The following ASMTL variants were observed in gnomAD, a reference collection of about 807,000 sequenced individuals.
ASMTL encodes probable bifunctional dTTP/UTP pyrophosphatase/methyltransferase protein.
Under a neutral mutation model 60.3 loss-of-function variants are expected in ASMTL, and 57 were observed. That is an observed-to-expected ratio of 0.95 (90% confidence interval 0.76 to 1.18). The LOEUF (loss-of-function observed/expected upper bound fraction) is 1.18, where lower values mean the gene tolerates loss of function less well. Among genes scored for constraint, ASMTL ranks in the 50% most tolerant of loss-of-function variants. ASMTL has a pLI of 0.00. For missense variants in ASMTL, 981 were observed against 852.6 expected (o/e 1.15, Z -1.88); for synonymous variants, 419 against 373.0 (o/e 1.12, Z -1.42).
intron 12 of ASMTL, among the ~76,000 whole-genome samples, chrX:1,411,382 G>A (rs2090014049): frequency 6.6e-6 from 1 of 152,144 alleles, no homozygotes; most frequent in African/African-American, 2.4e-5. Context: ...CAACAACGCT[G>A]AACTCTTGAG....
chrX:1,434,913 A>T, intron 5 of ASMTL, 109 bp downstream of exon 5: 1 of 1,188,916 alleles, frequency 8.4e-7, no homozygotes, highest in Non-Finnish European at 1.2e-6. Context: ...AAACCCCTCC[A>T]CAGGTGGGGG....
rs1302013471 is a variant in ASMTL at position 1,438,570 on chromosome X, G to A, written c.273+527C>T. ...CTCTTGTCACCCAGGCTGGAGTGCA[G>A]TGGCGCGATCTCGGCTCACTGCAAC... is the stretch of plus-strand genomic sequence containing the variant. On this transcript the variant is annotated intron_variant, in intron 3 of 12. Coordinates refer to ENST00000381317, the MANE Select transcript of ASMTL (RefSeq NM_004192.4). Among the ~76,000 whole-genome samples, 5 of 152,192 alleles carry A rather than the reference G, an allele frequency of 3.3e-5. No individual in the cohort carries two copies. The East Asian group carries it at 7.7e-4, about 23-fold the overall frequency.
In ASMTL at chrX:1,426,619, G is replaced by A. The variant is rs189822381; in HGVS notation, c.898-932C>T. On this transcript the variant is annotated intron_variant, in intron 7 of 12. Coordinates refer to ENST00000381317, the MANE Select transcript of ASMTL (RefSeq NM_004192.4). ...TGTAATCCCAGCACTTTAGGAGGCC[G>A]AGGCGGGTGGATCAGCTGAGGTCAG... Among the ~76,000 whole-genome samples, 10 of 152,270 alleles carry A rather than the reference G, an allele frequency of 6.6e-5. No individual in the cohort carries two copies. The East Asian group carries it at 1.7e-3, about 27-fold the overall frequency.
chrX:1,435,369 G>T lies in ASMTL; in HGVS notation c.339-286C>A, dbSNP rs1427990345. The T allele has an allele frequency of 9.9e-6, 6 of 606,052 alleles. No individual in the cohort carries two copies. The African/African-American group carries it at 1.1e-4, about 11-fold the overall frequency. 37.5% of individuals were successfully genotyped at this position (606,052 alleles called of 1,614,324 possible). A position where few individuals can be genotyped will look rare whatever the true frequency, so the allele number is the denominator to read the frequency against. On this transcript the variant is annotated intron_variant, in intron 4 of 12. Coordinates refer to ENST00000381317, the MANE Select transcript of ASMTL (RefSeq NM_004192.4). ...AGGGGGTGCATCTCTTCCACGTCCT[G>T]GGATGGGGATGACGTCCCAGGCTAC...
At chrX:1,412,277 G>T (rs1284989194) in intron 12 of ASMTL, among the ~76,000 whole-genome samples, 1 of 152,114 alleles carries the variant, frequency 6.6e-6, no homozygotes, top group Non-Finnish European at 1.5e-5. Context: ...GCCCAGGCTG[G>T]AGTGCAGTGG....
At chrX:1,408,274 C>G in intron 12 of ASMTL, among the ~76,000 whole-genome samples, 1 of 42,022 alleles carries the variant, frequency 2.4e-5, no homozygotes, top group South Asian at 7.0e-4. Context: ...ACACTGCCCT[C>G]CAGCCAAATG....
chrX:1,411,664 G>A (rs747179416), intron 12 of ASMTL, among the ~76,000 whole-genome samples: 3 of 81,136 alleles, frequency 3.7e-5, no homozygotes, highest in Admixed American at 1.1e-4. Flanking sequence ...CTCTGCCTCG[G>A]CCACCCCTGA....
At chrX:1,449,458 C>A (rs1171784524) in intron 1 of ASMTL, among the ~76,000 whole-genome samples, 1 of 151,862 alleles carries the variant, frequency 6.6e-6, no homozygotes, top group South Asian at 2.1e-4. Flanking sequence ...TGTGAGGCAC[C>A]CTGACCACTC....
intron 11 of ASMTL, among the ~76,000 whole-genome samples, chrX:1,417,008 CAG>C (rs1405034746): frequency 3.0e-5 from 4 of 131,500 alleles, no homozygotes. Flanking sequence ...TGTGCACACA[CAG>C]ACTCAGAAAC....
intron 8 of ASMTL, 46 bp from the exon 9 acceptor site, chrX:1,421,888 A>G: frequency 6.3e-7 from 1 of 1,580,374 alleles, no homozygotes; most frequent in African/African-American, 1.3e-5. Context: ...GAGAAAACCC[A>G]AGGAAACCTG....
rs758606298 is a variant in ASMTL at position 1,419,029 on chromosome X, G to A, written c.1331C>T (p.Ala444Val). 6.2e-7 allele frequency: 1 copy of A among 1,611,734 alleles called. No homozygotes were observed. Among genetic ancestry groups the A allele is most frequent in the East Asian group, 2.2e-5 (1 of 44,876 alleles). The change falls in exon 10 of 13, where the codon GCC (alanine) becomes GTC (valine). Residue 444 changes from alanine to valine, a missense_variant. By Grantham distance (64) the Ala-to-Val change is moderately conservative. Coordinates refer to ENST00000381317, the MANE Select transcript of ASMTL (RefSeq NM_004192.4). ...GMTKLTACQVATAFNLSRFSS... is the reference protein window; with the variant it reads ...GMTKLTACQVVTAFNLSRFSS... Reference sequence around the variant, plus strand: ...GAAGCGGGACAGATTGAAGGCCGTGGCCACCTGGCACGCAGTCAGCTTCGT... The same window carrying A: ...GAAGCGGGACAGATTGAAGGCCGTGACCACCTGGCACGCAGTCAGCTTCGT...
At chrX:1,424,157 C>T (rs1156957678) in intron 8 of ASMTL, among the ~76,000 whole-genome samples, 1 of 148,098 alleles carries the variant, frequency 6.8e-6, no homozygotes, top group Non-Finnish European at 1.5e-5. Context: ...CCCATCCAAT[C>T]ACTCATCCAT....
intron 4 of ASMTL, chrX:1,435,489 C>A: frequency 1.6e-6 from 1 of 638,578 alleles, no homozygotes; most frequent in Non-Finnish European, 2.9e-6. Context: ...ATTCTGGGAT[C>A]AGTGCTGCAG....
chrX:1,445,846 G>C (rs1245305290), intron 1 of ASMTL, among the ~76,000 whole-genome samples: 8 of 152,132 alleles, frequency 5.3e-5, no homozygotes, highest in Non-Finnish European at 1.5e-5. Context: ...GAGCTGAGGG[G>C]ACATGGTGAG....
intron 7 of ASMTL, 69 bp downstream of exon 7, chrX:1,427,665 T>A (rs1204551967): frequency 6.7e-7 from 1 of 1,489,274 alleles, no homozygotes; most frequent in Non-Finnish European, 9.1e-7. Flanking sequence ...AGAAGTAAAT[T>A]CCCTTTGATT....
At chrX:1,416,565 GCACACAGACGCAGA>G (rs2090278617) in intron 11 of ASMTL, among the ~76,000 whole-genome samples, 1 of 89,670 alleles carries the variant, frequency 1.1e-5, no homozygotes, top group Non-Finnish European at 2.7e-5. Context: ...ACCCCAACAG[GCACACAGACGCAGA>G]CACACAGACA....
intron 6 of ASMTL, among the ~76,000 whole-genome samples, chrX:1,431,469 T>C (rs1320133476): frequency 1.8e-4 from 24 of 135,518 alleles, no homozygotes; most frequent in African/African-American, 6.0e-4. Context: ...ATAGATGGTA[T>C]ATATTACATT....
chrX:1,432,039 T>G, intron 6 of ASMTL: 2 of 578,354 alleles, frequency 3.5e-6, no homozygotes, highest in Non-Finnish European at 6.2e-6. Flanking sequence ...CAGCCCAGCG[T>G]TGGCTCCCAC....
chrX:1,418,169 C>CCA, intron 10 of ASMTL, 53 bp from the exon 11 acceptor site: 1 of 1,535,038 alleles, frequency 6.5e-7, no homozygotes, highest in Non-Finnish European at 8.8e-7. Context: ...GGAACTCTGA[C>CCA]GACTCTCCAA....
Sources: allele counts gnomAD v4.1 joint callset (sites outside exome capture counted in the v4.1 genomes callset), GRCh38; gene constraint gnomAD v4.1.1; transcripts MANE v1.5; gene names NCBI Gene and HGNC (gene_info 2026-07-23, HGNC 2026-07-21).